MCC: variants seen among roughly 807,000 people sequenced by gnomAD.
The protein encoded by MCC is colorectal mutant cancer protein.
MCC carries 90 observed loss-of-function variants against 116.2 expected under a neutral mutation model. The observed-to-expected ratio is 0.77, with a 90% CI of 0.65 to 0.92. The LOEUF is 0.92. Ranked by LOEUF, MCC falls within the 40% of genes least tolerant of loss-of-function variation. The probability of loss-of-function intolerance (pLI) is 0.00; values close to 1 mark genes in which losing one functional copy is unlikely to be tolerated. For synonymous variants in MCC, 578 were observed against 510.5 expected (o/e 1.13, Z -1.78); for missense variants, 1,516 against 1,312.2 (o/e 1.16, Z -2.40).
At chr5:113,188,303 TCTC>T (rs748518227) in intron 3 of MCC, among the ~76,000 whole-genome samples, 81 of 152,290 alleles carry the variant, frequency 5.3e-4, no homozygotes, top group Non-Finnish European at 9.4e-4. Context: ...ACTAAATTCT[TCTC>T]ATTGTTTACC....
chr5:113,324,274 A>C (rs1767493683), intron 3 of MCC, among the ~76,000 whole-genome samples: 1 of 152,208 alleles, frequency 6.6e-6, no homozygotes, highest in Admixed American at 6.5e-5. Context: ...GATGAATAAC[A>C]AACACAAATG....
At chr5:113,089,654 G>C (rs998550548) in intron 8 of MCC, among the ~76,000 whole-genome samples, 7 of 152,216 alleles carry the variant, frequency 4.6e-5, no homozygotes, top group African/African-American at 1.7e-4. Context: ...GTGGCTGTAA[G>C]CACTTGCAAT....
chr5:113,078,916 C>T (rs143295844), intron 11 of MCC, among the ~76,000 whole-genome samples: 51,858 of 152,020 alleles, frequency 0.34, 8,861 homozygotes, highest in Middle Eastern at 0.39. Context: ...ATCCCCATCA[C>T]CTCAGCCCAA....
rs938416500 is a variant in MCC at position 113,332,219 on chromosome 5, TG to T, written c.627+8299del. On this transcript the variant is annotated intron_variant, in intron 3 of 18. Coordinates refer to ENST00000408903, the MANE Select transcript of MCC (RefSeq NM_001085377.2). ...TTTTTGAGACAATGTCTTGCTATGT[TG>T]CCCAGGCTAGGGTGCAGGCATGATC... Among the ~76,000 whole-genome samples the T allele has an allele frequency of 4.7e-4, 71 of 151,512 alleles. 5 individuals carry two copies. The highest frequency in any genetic ancestry group is 1.6e-3 in the African/African-American group (65 of 40,832).
At chr5:113,395,352 C>A (rs1162545922) in intron 1 of MCC, among the ~76,000 whole-genome samples, 1 of 152,028 alleles carries the variant, frequency 6.6e-6, no homozygotes, top group Non-Finnish European at 1.5e-5. Context: ...AAACTTGGGA[C>A]CCTAAATTCA....
intron 7 of MCC, among the ~76,000 whole-genome samples, chr5:113,102,418 T>C (rs1191823509): frequency 1.3e-5 from 2 of 152,208 alleles, no homozygotes; most frequent in Admixed American, 6.5e-5. Flanking sequence ...AGCGATAAGA[T>C]AGGTCACATT....
At chr5:113,085,590 T>C (rs1257822326) in intron 8 of MCC, among the ~76,000 whole-genome samples, 1 of 152,180 alleles carries the variant, frequency 6.6e-6, no homozygotes, top group African/African-American at 2.4e-5. Context: ...AGTCACCATA[T>C]TCTTAACGGA....
chr5:113,415,894 C>T (rs1304009254), intron 1 of MCC, among the ~76,000 whole-genome samples: 3 of 152,192 alleles, frequency 2.0e-5, no homozygotes, highest in African/African-American at 7.2e-5. Context: ...GGTTTCTCCC[C>T]ATCTTTGTGG....
chr5:113,063,241 G>T (rs998900465), intron 14 of MCC, among the ~76,000 whole-genome samples: 4 of 152,206 alleles, frequency 2.6e-5, no homozygotes, highest in African/African-American at 4.8e-5. Context: ...TGTTTTTAGG[G>T]CTTTGGTGGC....
chr5:113,261,595 AC>A (rs1240480623), intron 3 of MCC, among the ~76,000 whole-genome samples: 1 of 152,196 alleles, frequency 6.6e-6, no homozygotes, highest in African/African-American at 2.4e-5. Context: ...CCAAATATTA[AC>A]AGTTATGGGA....
intron 3 of MCC, among the ~76,000 whole-genome samples, chr5:113,217,782 G>A (rs886397019): frequency 1.2e-4 from 18 of 152,202 alleles, no homozygotes; most frequent in Admixed American, 5.2e-4. Context: ...GAGAACTCAG[G>A]CAGAGCCCAG....
intron 1 of MCC, among the ~76,000 whole-genome samples, chr5:113,390,032 C>T (rs913479961): frequency 5.3e-5 from 8 of 151,670 alleles, no homozygotes; most frequent in Non-Finnish European, 1.0e-4. Flanking sequence ...TGAGACTGTC[C>T]AAAACTAAGA....
Position 113,202,846 on chromosome 5 carries a change from T to A in MCC, c.628-51424A>T, listed in dbSNP as rs114400683. Among the ~76,000 whole-genome samples, 1,470 of 152,088 alleles carry A rather than the reference T, an allele frequency of 9.7e-3. 12 individuals are homozygous for A. The highest frequency in any genetic ancestry group is 0.02 in the Middle Eastern group (6 of 294). ...AGAAGCTTCAGACTTTTGAACTTTATGGCGTCCGTGTTAGAAGAGTGACTT... is the reference window on the plus strand; with the variant it reads ...AGAAGCTTCAGACTTTTGAACTTTAAGGCGTCCGTGTTAGAAGAGTGACTT... On this transcript the variant is annotated intron_variant, in intron 3 of 18. Coordinates refer to ENST00000408903, the MANE Select transcript of MCC (RefSeq NM_001085377.2).
chr5:113,166,704 T>TC (rs1760787493), intron 3 of MCC, among the ~76,000 whole-genome samples: 1 of 129,522 alleles, frequency 7.7e-6, no homozygotes, highest in African/African-American at 3.5e-5. Context: ...CATCATTTAT[T>TC]TAAAAAAAAA....
chr5:113,144,294 G>A (rs185676195), intron 4 of MCC, among the ~76,000 whole-genome samples: 103 of 152,302 alleles, frequency 6.8e-4, no homozygotes, highest in African/African-American at 2.2e-3. Context: ...TCCAGTCACT[G>A]TGCATTTAAT....
chr5:113,125,322 T>C (rs753003529), intron 5 of MCC, among the ~76,000 whole-genome samples: 6 of 152,178 alleles, frequency 3.9e-5, no homozygotes, highest in Non-Finnish European at 7.3e-5. Flanking sequence ...GTAATCATTA[T>C]AAGTATTCTA....
At chr5:113,187,546 G>T (rs777926020) in intron 3 of MCC, among the ~76,000 whole-genome samples, 3 of 152,026 alleles carry the variant, frequency 2.0e-5, no homozygotes, top group Admixed American at 6.6e-5. Context: ...ACTTACCCTA[G>T]AAAAGAAAGC....
chr5:113,242,223 A>G (rs1005208207), intron 3 of MCC, among the ~76,000 whole-genome samples: 1 of 152,228 alleles, frequency 6.6e-6, no homozygotes, highest in Non-Finnish European at 1.5e-5. Flanking sequence ...GTGTGTCAGG[A>G]GAGTAATAGC....
In MCC at chr5:113,065,062, G is replaced by A. The variant is rs141636534; in HGVS notation, c.2030-895C>T. Among the ~76,000 whole-genome samples the A allele has an allele frequency of 1.4e-3, 207 of 152,260 alleles. 1 individual carries two copies. The highest frequency in any genetic ancestry group is 4.7e-3 in the African/African-American group (195 of 41,544). ...GGGGTTGGGGGAGGAATGAATAGGT[G>A]GAGCCAGAGAACTTTTGGGGCAGTG... On this transcript the variant is annotated intron_variant, in intron 13 of 18. Coordinates refer to ENST00000408903, the MANE Select transcript of MCC (RefSeq NM_001085377.2).
Sources: gnomAD v4.1 joint callset for allele counts (sites outside exome capture counted in the v4.1 genomes callset) on GRCh38, gnomAD v4.1.1 for gene constraint, MANE v1.5 for transcripts, NCBI Gene and HGNC (gene_info 2026-07-23, HGNC 2026-07-21) for gene names.